TYW1: variants seen among roughly 807,000 people sequenced by gnomAD.
TYW1 encodes the protein S-adenosyl-L-methionine-dependent tRNA 4-demethylwyosine synthase TYW1.
TYW1 carries 46 observed loss-of-function variants against 96.2 expected under a neutral mutation model. The observed-to-expected ratio is 0.48, with a 90% CI of 0.38 to 0.61. The LOEUF (loss-of-function observed/expected upper bound fraction) is 0.61. Among genes scored for constraint, TYW1 ranks in the 20% least tolerant of loss-of-function variants. The pLI is 0.00. For synonymous variants in TYW1, 274 were observed against 323.0 expected, an observed-to-expected ratio of 0.85 and a Z score of 1.63; for missense variants, 684 against 909.6, an observed-to-expected ratio of 0.75 and a Z score of 3.19.
In TYW1 at chr7:67,166,325, CATATATAAT is replaced by C. The variant is rs941825679; in HGVS notation, c.1699-16786_1699-16778del. 3.6e-3 allele frequency among the ~76,000 whole-genome samples: 433 copies of C among 120,036 alleles called. 17 individuals are homozygous for C. The highest frequency in any genetic ancestry group is 0.011 in the African/African-American group (360 of 32,450). The allele number at this position is 120,036 out of a possible 152,430, so 78.7% of individuals were successfully genotyped here. On this transcript the variant is annotated intron_variant, in intron 13 of 15. Coordinates refer to ENST00000359626, the MANE Select transcript of TYW1 (RefSeq NM_018264.4). ...AGTACTTTTTATATATAATATATAA[CATATATAAT>C]ATATATAATATATAATTATATATAA...
At chr7:67,136,650 CGTGTGTGTGTGTGTGTGT>C (rs59522817) in intron 13 of TYW1, among the ~76,000 whole-genome samples, 4 of 143,964 alleles carry the variant, frequency 2.8e-5, no homozygotes, top group East Asian at 4.2e-4. Context: ...TTATACAGTG[CGTGTGTGTGTGTGTGTGT>C]GTGTGTGTGT....
At chr7:67,189,753 A>G (rs3107873) in intron 14 of TYW1, among the ~76,000 whole-genome samples, 43,794 of 151,796 alleles carry the variant, frequency 0.29, 7,014 homozygotes, top group African/African-American at 0.43. Context: ...TTATTTAAAC[A>G]AAATCAATAG....
chr7:67,138,840 A>G (rs34335528), intron 13 of TYW1, among the ~76,000 whole-genome samples: 38,507 of 150,778 alleles, frequency 0.26, 5,360 homozygotes, highest in African/African-American at 0.37. Context: ...GTACTCCATT[A>G]TATATAAATA....
intron 15 of TYW1, among the ~76,000 whole-genome samples, chr7:67,237,333 T>C (rs2116459767): frequency 6.9e-6 from 1 of 145,432 alleles, no homozygotes; most frequent in Admixed American, 6.8e-5. Context: ...ACCCCGTCTC[T>C]ACTAAAAATA....
intron 13 of TYW1, among the ~76,000 whole-genome samples, chr7:67,170,325 A>G (rs1799478031): frequency 6.6e-6 from 1 of 152,156 alleles, no homozygotes; most frequent in Non-Finnish European, 1.5e-5. Context: ...CATAATCTTG[A>G]TTAACATAGC....
chr7:67,015,758 C>T (rs1479842517), intron 5 of TYW1, among the ~76,000 whole-genome samples: 7 of 151,850 alleles, frequency 4.6e-5, no homozygotes, highest in South Asian at 4.2e-4. Context: ...GTCAGGAGAT[C>T]GAGACCATCC....
chr7:67,022,864 A>G (rs1372689711), intron 6 of TYW1, among the ~76,000 whole-genome samples: 1 of 152,230 alleles, frequency 6.6e-6, no homozygotes, highest in Non-Finnish European at 1.5e-5. Flanking sequence ...AGCCAGCCAC[A>G]GCGCCACTTC....
At chr7:67,071,004 G>A (rs185279359) in intron 10 of TYW1, among the ~76,000 whole-genome samples, 31 of 151,906 alleles carry the variant, frequency 2.0e-4, no homozygotes, top group Admixed American at 7.9e-4. Context: ...GGTGGTGGGC[G>A]CCTGTAGTCC....
At chr7:67,040,863 A>G (rs1794995967) in intron 7 of TYW1, among the ~76,000 whole-genome samples, 1 of 152,052 alleles carries the variant, frequency 6.6e-6, no homozygotes, top group South Asian at 2.1e-4. Flanking sequence ...AAGAAAAAGA[A>G]TTTAAAAACT....
intron 15 of TYW1, among the ~76,000 whole-genome samples, chr7:67,211,191 T>TGTGTGTGTGTGTGTGTGTGTGTGTG (rs1353587546): frequency 2.1e-5 from 3 of 141,616 alleles, no homozygotes; most frequent in Non-Finnish European, 4.6e-5. Context: ...TGTGTGTGTG[T>TGTGTGTGTGTGTGTGTGTGTGTGTG]TTTGAGCACT....
chr7:67,188,798 A>C (rs1261963438), intron 14 of TYW1, among the ~76,000 whole-genome samples: 1 of 152,134 alleles, frequency 6.6e-6, no homozygotes, highest in African/African-American at 2.4e-5. Context: ...TGAAATCAAT[A>C]ATACAAATTG....
chr7:67,017,173 G>A (rs1321867776), intron 5 of TYW1, among the ~76,000 whole-genome samples: 1 of 151,840 alleles, frequency 6.6e-6, no homozygotes, highest in African/African-American at 2.4e-5. Context: ...AGTAGAGATG[G>A]GGTCTCACCG....
chr7:67,022,436 T>C (rs992311184), intron 6 of TYW1, among the ~76,000 whole-genome samples: 3 of 152,212 alleles, frequency 2.0e-5, no homozygotes, highest in Admixed American at 6.6e-5. Flanking sequence ...TGATCCCTGA[T>C]GTCTCTTCTG....
chr7:67,109,131 G>A (rs910295661), intron 12 of TYW1, among the ~76,000 whole-genome samples: 2 of 151,910 alleles, frequency 1.3e-5, no homozygotes, highest in African/African-American at 2.4e-5. Context: ...AAAATTAGCC[G>A]GGCGCAGTGG....
At chr7:67,073,060 A>C (rs999269764) in intron 10 of TYW1, among the ~76,000 whole-genome samples, 9 of 147,270 alleles carry the variant, frequency 6.1e-5, no homozygotes, top group African/African-American at 2.3e-4. Context: ...CTGAGATTAT[A>C]GGCGTGGGCT....
In TYW1 at chr7:67,050,059, T is replaced by C; in HGVS notation, c.1095T>C (p.Thr365=). 6.2e-7 allele frequency: 1 copy of C among 1,612,734 alleles called. No individual in the cohort carries two copies. The highest frequency in any genetic ancestry group is 1.1e-5 in the South Asian group (1 of 91,006). Residue 365 remains threonine (T), a synonymous_variant, in exon 8 of 16, where the codon ACT becomes ACC. Coordinates refer to ENST00000359626, the MANE Select transcript of TYW1 (RefSeq NM_018264.4). ...MITPALREAL[T]KQGYQLIGSH... ...CTCCTGCTCTCCGAGAAGCCCTTAC[T>C]AAACAAGGTGAAAATCTTCAAGAAT...
At chr7:67,001,405 ATTTTATTTATTTATT>A (rs549903031) in intron 3 of TYW1, among the ~76,000 whole-genome samples, 2,700 of 150,930 alleles carry the variant, frequency 0.018, 79 homozygotes, top group African/African-American at 0.061. Flanking sequence ...TATTTATTTT[ATTTTATTTATTTATT>A]TTTTATTTAT....
intron 7 of TYW1, among the ~76,000 whole-genome samples, chr7:67,037,617 T>A (rs1232339359): frequency 5.3e-5 from 8 of 152,078 alleles, no homozygotes; most frequent in Non-Finnish European, 1.2e-4. Flanking sequence ...TATTGTACAC[T>A]GTGTTTCATC....
At chr7:67,082,659 G>A (rs951696269) in intron 10 of TYW1, among the ~76,000 whole-genome samples, 5 of 152,018 alleles carry the variant, frequency 3.3e-5, no homozygotes, top group African/African-American at 1.2e-4. Context: ...GAGATGGTTG[G>A]CAGTGGTGGA....
Sources: allele counts gnomAD v4.1 joint callset (sites outside exome capture counted in the v4.1 genomes callset), GRCh38; gene constraint gnomAD v4.1.1; transcripts MANE v1.5; gene names NCBI Gene and HGNC (gene_info 2026-07-23, HGNC 2026-07-21).